The following ZBTB46 variants were observed in gnomAD, a reference collection of about 807,000 sequenced individuals.
ZBTB46 encodes the protein zinc finger and BTB domain-containing protein 46.
In ZBTB46, 8 loss-of-function variants were observed where a neutral mutation model predicts 44.1. That is an observed-to-expected ratio of 0.18 (90% CI 0.11 to 0.33). The LOEUF is 0.33. Among genes scored for constraint, ZBTB46 ranks in the 10% least tolerant of loss-of-function variants. ZBTB46 has a pLI of 1.00. For synonymous variants in ZBTB46, 409 were observed against 382.3 expected, an observed-to-expected ratio of 1.07 and a Z score of -0.81; for missense variants, 651 against 847.7, an observed-to-expected ratio of 0.77 and a Z score of 2.88.
intron 1 of ZBTB46, among the ~76,000 whole-genome samples, chr20:63,829,902 A>T (rs1411732074): frequency 6.6e-6 from 1 of 152,190 alleles, no homozygotes; most frequent in Non-Finnish European, 1.5e-5. Context: ...CAATCGATAC[A>T]ATTAAAATGC....
rs1303626072 is a variant in ZBTB46 at position 63,766,347 on chromosome 20, C to T, written c.1222+9331G>A. Among the ~76,000 whole-genome samples the T allele has an allele frequency of 2.0e-5, 3 of 150,920 alleles. No homozygotes were observed. In the East Asian group the frequency reaches 5.9e-4, roughly 29 times the overall value. On this transcript the variant is annotated intron_variant, in intron 3 of 4. Coordinates refer to ENST00000245663, the MANE Select transcript of ZBTB46 (RefSeq NM_001369741.1). ...TCTCCTGCCTCAGCCTCTCAAATAG[C>T]TGGGATTACAGGCGCCCGCCACCAC...
chr20:63,788,715 T>C (rs1475867235), intron 2 of ZBTB46, among the ~76,000 whole-genome samples: 1 of 151,978 alleles, frequency 6.6e-6, no homozygotes, highest in Admixed American at 6.6e-5. Context: ...GGCACGTGCC[T>C]GTAATCCCCA....
intron 1 of ZBTB46, among the ~76,000 whole-genome samples, chr20:63,794,327 G>A (rs1376283716): frequency 6.6e-6 from 1 of 152,086 alleles, no homozygotes. Flanking sequence ...AAGTAGCTAG[G>A]ACCACAGGTG....
chr20:63,759,755 C>T (rs1241823807), intron 3 of ZBTB46, among the ~76,000 whole-genome samples: 1 of 152,124 alleles, frequency 6.6e-6, no homozygotes, highest in African/African-American at 2.4e-5. Flanking sequence ...CATGATTTCA[C>T]AATTAACCAA....
chr20:63,805,351 G>A (rs6122033), intron 1 of ZBTB46, among the ~76,000 whole-genome samples: 2,892 of 152,278 alleles, frequency 0.019, 175 homozygotes, highest in East Asian at 0.14. Flanking sequence ...ATCGCAGCAC[G>A]TTGAGAGGCT....
rs117508464 is a variant in ZBTB46 at position 63,750,635 on chromosome 20, T to G, written c.1398+2051A>C. Among the ~76,000 whole-genome samples, 62 of 152,172 alleles carry G rather than the reference T, an allele frequency of 4.1e-4. 2 individuals carry two copies. In the East Asian group the frequency reaches 0.012, roughly 28 times the overall value. The stretch of plus-strand genomic sequence containing the variant: ...AAATCCCAGCCCTGGTCGGACACAG[T>G]GGCTCACACCTGTAATCCCAGCACT... On this transcript the variant is annotated intron_variant, in intron 4 of 4. Transcript: ENST00000245663.
chr20:63,772,373 A>G (rs575276042), intron 3 of ZBTB46, among the ~76,000 whole-genome samples: 168 of 152,336 alleles, frequency 1.1e-3, no homozygotes, highest in African/African-American at 4.0e-3. Context: ...AGAAATAACA[A>G]AAGACCCACC....
At chr20:63,802,358 G>A (rs2092652505) in intron 1 of ZBTB46, among the ~76,000 whole-genome samples, 1 of 151,972 alleles carries the variant, frequency 6.6e-6, no homozygotes, top group African/African-American at 2.4e-5. Flanking sequence ...GGAGACGGAG[G>A]CTGCAGTGAG....
At chr20:63,824,599 C>T (rs1175887612) in intron 1 of ZBTB46, among the ~76,000 whole-genome samples, 2 of 152,068 alleles carry the variant, frequency 1.3e-5, no homozygotes, top group African/African-American at 2.4e-5. Context: ...TTTCACGTGG[C>T]CAAGGAACAC....
At chr20:63,765,103 GGTT>G (rs1265654143) in intron 3 of ZBTB46, among the ~76,000 whole-genome samples, 4 of 151,406 alleles carry the variant, frequency 2.6e-5, no homozygotes, top group Non-Finnish European at 5.9e-5. Flanking sequence ...GTGTATGTGT[GGTT>G]GTGTGTGTGT....
intron 4 of ZBTB46, among the ~76,000 whole-genome samples, chr20:63,751,447 T>G (rs898711048): frequency 6.6e-6 from 1 of 152,102 alleles, no homozygotes; most frequent in African/African-American, 2.4e-5. Flanking sequence ...GGAGTGGCCC[T>G]TCGCCCACAG....
intron 1 of ZBTB46, among the ~76,000 whole-genome samples, chr20:63,829,679 G>A (rs576777699): frequency 4.8e-4 from 73 of 152,350 alleles, no homozygotes; most frequent in African/African-American, 6.0e-4. Flanking sequence ...CGAGCAGAAA[G>A]GTTCTACTCT....
intron 1 of ZBTB46, among the ~76,000 whole-genome samples, chr20:63,830,783 C>G (rs2092845980): frequency 6.9e-6 from 1 of 145,008 alleles, no homozygotes; most frequent in Non-Finnish European, 1.5e-5. Flanking sequence ...CCGGGGCAGC[C>G]CAGCCGCCTC....
At chr20:63,769,178 G>T in intron 3 of ZBTB46, 2 of 985,174 alleles carry the variant, frequency 2.0e-6, no homozygotes, top group Non-Finnish European at 2.4e-6. Flanking sequence ...GCACACATGG[G>T]TGTCAGGGAC....
At chr20:63,827,116 G>A (rs181316212) in intron 1 of ZBTB46, among the ~76,000 whole-genome samples, 218 of 152,248 alleles carry the variant, frequency 1.4e-3, no homozygotes, top group Middle Eastern at 6.8e-3. Context: ...GCCTTGGGCC[G>A]TTTCTTGCCA....
rs144898052 is a variant in ZBTB46 at position 63,750,828 on chromosome 20, G to A, written c.1398+1858C>T. On this transcript the variant is annotated intron_variant, in intron 4 of 4. Transcript: ENST00000245663. ...TGAGGTGGGAGGATCGCTTGAGCCC[G>A]GGAGGTCAAAGTTGTAGTGAGCTGT... is the stretch of plus-strand genomic sequence containing the variant. Among the ~76,000 whole-genome samples, 1,256 of 152,068 alleles carry A rather than the reference G, an allele frequency of 8.3e-3. 11 individuals are homozygous for A. Among genetic ancestry groups the A allele is most frequent in the Middle Eastern group, 0.027 (8 of 292 alleles).
chr20:63,810,199 T>C (rs1167776926), intron 1 of ZBTB46, among the ~76,000 whole-genome samples: 1 of 152,106 alleles, frequency 6.6e-6, no homozygotes, highest in African/African-American at 2.4e-5. Context: ...TTCCAAGCAC[T>C]GCTATGGCTA....
At position 63,746,554 on chromosome 20, in the gene ZBTB46, C is replaced by T. The variant is rs962370421; in HGVS notation, c.*376G>A. ...CTGCTCAGGCCAGGGGCCTCTGGGC[C>T]GAACACACCACCCCGCCCAGTGCCC... On this transcript the variant is annotated 3_prime_UTR_variant, in exon 5 of 5. Transcript: ENST00000245663. 8 of 214,984 alleles carry T rather than the reference C, an allele frequency of 3.7e-5. No homozygotes were observed. Among genetic ancestry groups the T allele is most frequent in the Admixed American group, 5.8e-5 (1 of 17,116 alleles). The allele number at this position is 214,984 out of a possible 1,614,324, so 13.3% of individuals were successfully genotyped here.
intron 3 of ZBTB46, among the ~76,000 whole-genome samples, chr20:63,757,578 G>A (rs2092232130): frequency 6.6e-6 from 1 of 152,114 alleles, no homozygotes; most frequent in South Asian, 2.1e-4. Flanking sequence ...GCGTCTCCAC[G>A]ACGGCAGCAC....
Sources: gnomAD v4.1 joint callset for allele counts (sites outside exome capture counted in the v4.1 genomes callset) on GRCh38, gnomAD v4.1.1 for gene constraint, MANE v1.5 for transcripts, NCBI Gene and HGNC (gene_info 2026-07-23, HGNC 2026-07-21) for gene names.